PKIB: variants seen among roughly 807,000 people sequenced by gnomAD.
The protein encoded by PKIB is PKI-beta.
PKIB carries 2 observed loss-of-function variants against 4.5 expected under a neutral mutation model. The observed-to-expected ratio is 0.44, with a 90% confidence interval of 0.18 to 1.39. PKIB has a LOEUF of 1.39. PKIB is among the 40% of genes most tolerant of loss of function. The probability of loss-of-function intolerance (pLI) is 0.27; values close to 1 mark genes in which losing one functional copy is unlikely to be tolerated. For synonymous variants in PKIB, 38 were observed against 36.0 expected (o/e 1.06, Z -0.20); for missense variants, 94 against 92.6 (o/e 1.02, Z -0.06).
In PKIB at chr6:122,712,232, ACT is replaced by A. The variant is rs1234314845; in HGVS notation, c.-8-5552_-8-5551del. On this transcript the variant is annotated intron_variant, in intron 3 of 4. Coordinates refer to ENST00000368452, the MANE Select transcript of PKIB (RefSeq NM_181795.3). ...ATCAAACTGTGTCTCATCTCACCAG[ACT>A]CTGGGTTCCTCTTTGTAACTTGTGG... is the stretch of plus-strand genomic sequence containing the variant. 2.0e-5 allele frequency among the ~76,000 whole-genome samples: 3 copies of A among 152,068 alleles called. No individual in the cohort carries two copies. In the East Asian group the frequency reaches 5.8e-4, roughly 29 times the overall value.
intron 3 of PKIB, among the ~76,000 whole-genome samples, chr6:122,700,860 T>C (rs1486458013): frequency 6.6e-6 from 1 of 152,188 alleles, no homozygotes; most frequent in African/African-American, 2.4e-5. Flanking sequence ...TCCATCTCTC[T>C]AGAGTTGAGG....
intron 3 of PKIB, among the ~76,000 whole-genome samples, chr6:122,697,002 T>C (rs1238343577): frequency 6.6e-6 from 1 of 152,170 alleles, no homozygotes; most frequent in Non-Finnish European, 1.5e-5. Context: ...AGCAAGTTAT[T>C]AGTCATGTCT....
intron 3 of PKIB, among the ~76,000 whole-genome samples, chr6:122,706,754 T>TA (rs1268101776): frequency 6.6e-6 from 1 of 152,196 alleles, no homozygotes; most frequent in Non-Finnish European, 1.5e-5. Context: ...AACACATGCA[T>TA]ATGCCATTTT....
intron 3 of PKIB, among the ~76,000 whole-genome samples, chr6:122,680,882 A>G (rs1777872743): frequency 2.0e-5 from 3 of 152,178 alleles, no homozygotes; most frequent in Admixed American, 1.3e-4. Context: ...AAATCCTTCA[A>G]TGACCTCCTG....
chr6:122,543,096 A>C (rs1170345816), intron 2 of PKIB, among the ~76,000 whole-genome samples: 1 of 151,926 alleles, frequency 6.6e-6, no homozygotes, highest in Admixed American at 6.6e-5. Flanking sequence ...GAGTGACCTG[A>C]TTTTCCAGGT....
At chr6:122,627,862 A>G (rs1027135363) in intron 1 of PKIB, among the ~76,000 whole-genome samples, 3 of 152,086 alleles carry the variant, frequency 2.0e-5, no homozygotes, top group Non-Finnish European at 4.4e-5. Flanking sequence ...CTGATTAGAA[A>G]AGAACATGAT....
intron 1 of PKIB, among the ~76,000 whole-genome samples, chr6:122,617,465 T>C (rs1775041664): frequency 6.6e-6 from 1 of 152,176 alleles, no homozygotes; most frequent in Non-Finnish European, 1.5e-5. Flanking sequence ...GAAATTCATA[T>C]TTTGGGTTCT....
chr6:122,491,738 G>A (rs1775938300), intron 2 of PKIB, among the ~76,000 whole-genome samples: 1 of 152,120 alleles, frequency 6.6e-6, no homozygotes, highest in African/African-American at 2.4e-5. Flanking sequence ...CTGAGTTATA[G>A]TTTTGATCTG....
At chr6:122,716,794 A>C (rs1426564427) in intron 3 of PKIB, among the ~76,000 whole-genome samples, 2 of 152,138 alleles carry the variant, frequency 1.3e-5, no homozygotes, top group Non-Finnish European at 2.9e-5. Flanking sequence ...ATCACAAATG[A>C]GCATCTCCAT....
At chr6:122,594,566 C>T (rs1002025788) in intron 3 of PKIB, among the ~76,000 whole-genome samples, 8 of 152,150 alleles carry the variant, frequency 5.3e-5, no homozygotes, top group Non-Finnish European at 7.4e-5. Flanking sequence ...AAGAAGGAAA[C>T]GCTCATGACA....
chr6:122,670,041 G>T (rs982827422), intron 2 of PKIB, among the ~76,000 whole-genome samples: 2 of 151,222 alleles, frequency 1.3e-5, no homozygotes, highest in African/African-American at 2.4e-5. Flanking sequence ...TAGTTGCTTT[G>T]TCATCTCCAA....
chr6:122,536,261 G>C (rs543362938), intron 2 of PKIB, among the ~76,000 whole-genome samples: 7 of 152,090 alleles, frequency 4.6e-5, no homozygotes, highest in South Asian at 2.1e-4. Context: ...TTATAGCCTT[G>C]AAAATGGTCT....
At chr6:122,705,342 G>A (rs1391787847) in intron 3 of PKIB, among the ~76,000 whole-genome samples, 1 of 152,082 alleles carries the variant, frequency 6.6e-6, no homozygotes, top group African/African-American at 2.4e-5. Context: ...TACCCTTGAG[G>A]AATACCACAC....
At chr6:122,486,078 CCT>C (rs756059546) in intron 2 of PKIB, among the ~76,000 whole-genome samples, 23 of 152,242 alleles carry the variant, frequency 1.5e-4, no homozygotes, top group South Asian at 6.2e-4. Flanking sequence ...ACATTACCCC[CCT>C]GACTCTAAAA....
Position 122,708,695 on chromosome 6 carries a change from G to A in PKIB, c.-8-9092G>A, listed in dbSNP as rs968652384. Among the ~76,000 whole-genome samples, 6 of 152,104 alleles carry A rather than the reference G, an allele frequency of 3.9e-5. No homozygotes were observed. In the South Asian group the frequency reaches 6.2e-4, roughly 16 times the overall value. ...GTTGCCCAGGCTGGAGTGTAGTAGC[G>A]TGATCTCAGGTCACTGCAACCTCCT... On this transcript the variant is annotated intron_variant, in intron 3 of 4. Transcript: ENST00000368452.
chr6:122,698,245 G>C (rs906669969), intron 3 of PKIB, among the ~76,000 whole-genome samples: 7 of 152,126 alleles, frequency 4.6e-5, no homozygotes, highest in Non-Finnish European at 8.8e-5. Context: ...AGGTAGCCAA[G>C]GACTCTAGGA....
At position 122,485,210 on chromosome 6, in the gene PKIB, CT is replaced by C. The variant is rs907386583; in HGVS notation, c.-248+7284del. The stretch of plus-strand genomic sequence containing the variant: ...AAGTTTTTCTTTCAACAAAAATATT[CT>C]TTTTTTTTTTTTCCTGGAATGTGGT... On this transcript the variant is annotated intron_variant, in intron 2 of 6. Transcript: ENST00000392491. Among the ~76,000 whole-genome samples, 260 of 141,206 alleles carry C rather than the reference CT, an allele frequency of 1.8e-3. 1 individual carries two copies. Among genetic ancestry groups the C allele is most frequent in the East Asian group, 3.3e-3 (16 of 4,912 alleles). The allele number at this position is 141,206 out of a possible 152,430, so 92.6% of individuals were successfully genotyped here.
chr6:122,681,478 A>G (rs186714323), intron 3 of PKIB, among the ~76,000 whole-genome samples: 1 of 152,300 alleles, frequency 6.6e-6, no homozygotes, highest in East Asian at 1.9e-4. Flanking sequence ...TTATACTCCA[A>G]TGATATAACA....
chr6:122,717,882 T>C lies in PKIB; in HGVS notation c.88T>C (p.Leu30=), dbSNP rs765435840. The C allele has an allele frequency of 6.2e-7, 1 of 1,614,134 alleles. No homozygotes were observed. The highest frequency in any genetic ancestry group is 8.5e-7 in the Non-Finnish European group (1 of 1,179,986). Residue 30 remains leucine, a synonymous_variant, in exon 4 of 5, where the codon TTA becomes CTA. Transcript: ENST00000368452. ...SSARAGRRNA[L]PDIQSSAATD... ...AGCAAGGGCAGGCCGCCGGAATGCC[T>C]TACCAGACATCCAGAGTTCAGCTGC...
Sources: gnomAD v4.1 joint callset for allele counts (sites outside exome capture counted in the v4.1 genomes callset) on GRCh38, gnomAD v4.1.1 for gene constraint, MANE v1.5 for transcripts, NCBI Gene and HGNC (gene_info 2026-07-23, HGNC 2026-07-21) for gene names.